The following HMCN1 variants were observed in gnomAD, a reference collection of about 807,000 sequenced individuals.
HMCN1 encodes the protein hemicentin 1, also known as hemicentin-1.
A neutral mutation model predicts 625.9 loss-of-function variants in HMCN1; 321 were observed. The observed-to-expected ratio is 0.51, with a 90% CI of 0.47 to 0.56. The LOEUF (loss-of-function observed/expected upper bound fraction) is 0.56, where lower values mean the gene tolerates loss of function less well. HMCN1 is among the 20% of genes least tolerant of loss of function. The pLI, the probability that HMCN1 is intolerant of heterozygous loss-of-function variation, is 0.00. For missense variants in HMCN1, 6,588 were observed against 6,887.3 expected, an observed-to-expected ratio of 0.96 and a Z score of 1.54; for synonymous variants, 2,425 against 2,417.6, an observed-to-expected ratio of 1.00 and a Z score of -0.09.
intron 46 of HMCN1, among the ~76,000 whole-genome samples, chr1:186,058,313 G>A (rs888231277): frequency 6.6e-6 from 1 of 151,864 alleles, no homozygotes; most frequent in Non-Finnish European, 1.5e-5. Flanking sequence ...AATACAATGC[G>A]ATTATCAAGA....
intron 4 of HMCN1, among the ~76,000 whole-genome samples, chr1:185,877,803 C>T (rs1664053144): frequency 2.6e-5 from 4 of 151,798 alleles, no homozygotes; most frequent in Admixed American, 2.6e-4. Flanking sequence ...ATTTGTGTCA[C>T]AGGGTTTTGG....
chr1:185,860,598 C>G (rs1438712857), intron 2 of HMCN1, among the ~76,000 whole-genome samples: 1 of 152,166 alleles, frequency 6.6e-6, no homozygotes, highest in East Asian at 1.9e-4. Flanking sequence ...GCATGCGCTA[C>G]CATGCCTGGC....
chr1:185,869,879 C>A lies in HMCN1; in HGVS notation c.621+4016C>A, dbSNP rs1194620266. On this transcript the variant is annotated intron_variant, in intron 4 of 106. Coordinates refer to ENST00000271588, the MANE Select transcript of HMCN1 (RefSeq NM_031935.3). ...ATGCACTGAGTCCTTTCATTTTACT[C>A]AAGACTCTTCATCTACTGTTTCTAA... is the stretch of plus-strand genomic sequence containing the variant. Among the ~76,000 whole-genome samples the A allele has an allele frequency of 2.6e-5, 4 of 152,088 alleles. No homozygotes were observed. In the East Asian group the frequency reaches 7.7e-4, roughly 29 times the overall value.
chr1:185,965,951 T>C, intron 14 of HMCN1, 36 bp downstream of exon 14: 1 of 1,199,118 alleles, frequency 8.3e-7, no homozygotes, highest in Non-Finnish European at 1.2e-6. Flanking sequence ...CTGGTTCACT[T>C]AGTTTTGTTT....
Position 185,911,680 on chromosome 1 carries a change from T to C in HMCN1, c.800T>C (p.Leu267Pro), listed in dbSNP as rs1666429089. The change falls in exon 6 of 107, where the codon CTG becomes CCG. Residue 267 changes from leucine to proline, a missense_variant. Physicochemically the swap from Leu to Pro is moderately conservative, Grantham distance 98 (BLOSUM62 -3). Transcript: ENST00000271588. Reference protein sequence around the residue: ...MIEIRNPLGKLIKKGFGLHEL... With the variant: ...MIEIRNPLGKPIKKGFGLHEL... ...TTTATGTTCTGTCTTTCAGGGAAGC[T>C]GATAAAAAAGGGATTTGGCCTGCAT... is the stretch of plus-strand genomic sequence containing the variant. 2 of 1,608,916 alleles carry C rather than the reference T, an allele frequency of 1.2e-6. No homozygotes were observed. The highest frequency in any genetic ancestry group is 3.3e-5 in the Admixed American group (2 of 59,960).
At chr1:186,006,358 A>G (rs1336438009) in intron 29 of HMCN1, among the ~76,000 whole-genome samples, 1 of 152,122 alleles carries the variant, frequency 6.6e-6, no homozygotes, top group Non-Finnish European at 1.5e-5. Flanking sequence ...CTTTTAAAAA[A>G]CTAGCTATGG....
intron 1 of HMCN1, among the ~76,000 whole-genome samples, chr1:185,810,466 A>G (rs891763891): frequency 6.6e-6 from 1 of 152,192 alleles, no homozygotes; most frequent in African/African-American, 2.4e-5. Flanking sequence ...AGCTGCATGA[A>G]TGTTTTGCTC....
chr1:186,013,626 G>A (rs1235054415), intron 30 of HMCN1, among the ~76,000 whole-genome samples: 2 of 152,102 alleles, frequency 1.3e-5, no homozygotes, highest in African/African-American at 2.4e-5. Flanking sequence ...GCTGGGGCAG[G>A]GAATACACAA....
intron 29 of HMCN1, among the ~76,000 whole-genome samples, chr1:186,006,741 A>G (rs1181431757): frequency 6.6e-6 from 1 of 151,606 alleles, no homozygotes; most frequent in Non-Finnish European, 1.5e-5. Flanking sequence ...CTATACTGTA[A>G]TATTTAAAAC....
intron 69 of HMCN1, 137 bp from the exon 70 acceptor site, chr1:186,106,747 A>G (rs1660630031): frequency 1.4e-6 from 1 of 700,534 alleles, no homozygotes; most frequent in African/African-American, 1.8e-5. Flanking sequence ...TCAGAGTGCT[A>G]ATCGTAGTGT....
intron 1 of HMCN1, among the ~76,000 whole-genome samples, chr1:185,840,472 A>G (rs533792131): frequency 2.0e-5 from 3 of 152,274 alleles, no homozygotes; most frequent in South Asian, 2.1e-4. Context: ...CCCAATGCCT[A>G]GGATTTCTTT....
At position 186,178,721 on chromosome 1, in the gene HMCN1, A is replaced by T. The variant is rs1313310843; in HGVS notation, c.16249A>T (p.Lys5417Ter). The change falls in exon 104 of 107, where the codon AAA becomes TAA. Residue 5417 changes from lysine to a stop codon, truncating the protein, a stop_gained. Transcript: ENST00000271588. LOFTEE classifies it high-confidence loss of function. ...CTCCAGGACTAGAAGGACTATTAGG[A>T]AAACTTGCCCTGAAGGCTCTGAGGC... Reference protein sequence around the residue: ...SLSRTRRTIRKTCPEGSEASH... With the variant: ...SLSRTRRTIR 3.7e-6 allele frequency: 6 copies of T among 1,613,992 alleles called. No individual in the cohort carries two copies. Among genetic ancestry groups the T allele is most frequent in the South Asian group, 1.1e-5 (1 of 91,086 alleles).
At chr1:185,901,554 TTGAA>T (rs1346395488) in intron 4 of HMCN1, among the ~76,000 whole-genome samples, 2 of 151,566 alleles carry the variant, frequency 1.3e-5, no homozygotes, top group Non-Finnish European at 3.0e-5. Context: ...ACAGAAAAAA[TTGAA>T]TGAGGTAAAA....
At chr1:186,143,058 T>C (rs1028724281) in intron 89 of HMCN1, among the ~76,000 whole-genome samples, 2 of 152,174 alleles carry the variant, frequency 1.3e-5, no homozygotes, top group Non-Finnish European at 2.9e-5. Context: ...TCCTCTGAGG[T>C]TTAGCCAAAT....
intron 15 of HMCN1, among the ~76,000 whole-genome samples, chr1:185,971,013 A>G (rs1650786466): frequency 6.6e-6 from 1 of 152,068 alleles, no homozygotes; most frequent in Admixed American, 6.6e-5. Context: ...AGATCCTAAA[A>G]TTATCTCCTT....
At chr1:185,974,411 C>T (rs1160760865) in intron 15 of HMCN1, among the ~76,000 whole-genome samples, 1 of 152,028 alleles carries the variant, frequency 6.6e-6, no homozygotes, top group Admixed American at 6.6e-5. Context: ...TGTTATTATG[C>T]CTTTTTTGTT....
intron 1 of HMCN1, among the ~76,000 whole-genome samples, chr1:185,824,856 A>G (rs1041707457): frequency 6.6e-6 from 1 of 152,124 alleles, no homozygotes; most frequent in Non-Finnish European, 1.5e-5. Flanking sequence ...TCAGAGCAAT[A>G]TATTTATTTT....
intron 1 of HMCN1, among the ~76,000 whole-genome samples, chr1:185,840,703 TGTGG>T (rs1392723849): frequency 4.6e-5 from 7 of 152,218 alleles, no homozygotes; most frequent in Non-Finnish European, 1.0e-4. Context: ...AGTTTTCAAC[TGTGG>T]TAGAGCCTCT....
intron 17 of HMCN1, among the ~76,000 whole-genome samples, chr1:185,981,529 A>G (rs768939910): frequency 2.0e-5 from 3 of 152,212 alleles, no homozygotes; most frequent in African/African-American, 7.2e-5. Flanking sequence ...TTGATCATGT[A>G]GTAAGTTTAT....
Sources: gnomAD v4.1 joint callset for allele counts (sites outside exome capture counted in the v4.1 genomes callset) on GRCh38, gnomAD v4.1.1 for gene constraint, MANE v1.5 for transcripts, NCBI Gene and HGNC (gene_info 2026-07-23, HGNC 2026-07-21) for gene names.